Variants in NUDT6 observed in about 807,000 individuals in gnomAD.
The protein encoded by NUDT6 is nudix hydrolase 6, also known as FAD diphosphatase NUDT6.
NUDT6 carries 24 observed loss-of-function variants against 36.8 expected under a neutral mutation model. The observed-to-expected ratio is 0.65, with a 90% confidence interval of 0.47 to 0.92. The LOEUF (loss-of-function observed/expected upper bound fraction) is 0.92, where lower values mean the gene tolerates loss of function less well. NUDT6 is among the 40% of genes least tolerant of loss of function. The pLI is 0.00. For missense variants in NUDT6, 388 were observed against 392.8 expected (o/e 0.99, Z 0.10); for synonymous variants, 163 against 157.0 (o/e 1.04, Z -0.29).
chr4:122,922,309 G>A (rs1728060412), intron 1 of NUDT6, 26 bp downstream of exon 1: 2 of 1,576,754 alleles, frequency 1.3e-6, no homozygotes, highest in Non-Finnish European at 8.6e-7. Flanking sequence ...GGAGCCCCGG[G>A]AGCCCTTCGT....
chr4:122,919,660 TC>T (rs1229184074), intron 1 of NUDT6: 1 of 152,150 alleles, frequency 6.6e-6, no homozygotes, highest in Non-Finnish European at 1.5e-5. Flanking sequence ...CACCTCCCAT[TC>T]CCATTGCTAA....
intron 3 of NUDT6, among the ~76,000 whole-genome samples, chr4:122,910,903 A>G (rs879456151): frequency 2.0e-5 from 3 of 152,158 alleles, no homozygotes; most frequent in Middle Eastern, 3.2e-3. Context: ...GATTAAATAA[A>G]TTCTGGTGAT....
chr4:122,920,377 G>A (rs1250158064), intron 1 of NUDT6: 1 of 152,020 alleles, frequency 6.6e-6, no homozygotes, highest in Non-Finnish European at 1.5e-5. Context: ...GTTGTTAGGA[G>A]GATTAATTAC....
intron 3 of NUDT6, among the ~76,000 whole-genome samples, chr4:122,908,238 A>G (rs985341083): frequency 1.3e-5 from 2 of 152,126 alleles, no homozygotes; most frequent in Admixed American, 1.3e-4. Context: ...AACAAAATGG[A>G]CTCTTTGTGA....
At chr4:122,898,015 CAGAT>C (rs1292399388) in intron 3 of NUDT6, 2 of 213,050 alleles carry the variant, frequency 9.4e-6, no homozygotes, top group African/African-American at 2.3e-5. Flanking sequence ...TAACTATGAA[CAGAT>C]AGAAGAATCT....
At chr4:122,920,174 GTAAA>G (rs989926214) in intron 1 of NUDT6, 1 of 152,148 alleles carries the variant, frequency 6.6e-6, no homozygotes, top group African/African-American at 2.4e-5. Context: ...GACTTCATGT[GTAAA>G]TAGTCTCTCT....
intron 2 of NUDT6, among the ~76,000 whole-genome samples, chr4:122,913,812 C>A (rs1727777817): frequency 6.6e-6 from 1 of 151,866 alleles, no homozygotes; most frequent in African/African-American, 2.4e-5. Context: ...AATCTTGGGT[C>A]AAAAATACAA....
intron 2 of NUDT6, among the ~76,000 whole-genome samples, chr4:122,914,494 A>G (rs546659229): frequency 6.6e-6 from 1 of 152,318 alleles, no homozygotes; most frequent in South Asian, 2.1e-4. Context: ...CTAAAGCACA[A>G]TTTGAGCGAC....
chr4:122,905,994 G>A lies in NUDT6; in HGVS notation c.498+6574C>T, dbSNP rs568623093. On this transcript the variant is annotated intron_variant, in intron 3 of 4. Transcript: ENST00000304430. Reference sequence around the variant, plus strand: ...GCTGTTTTCTGTAGCCAGAAGAAGGGTGCTGCTTCTACTGGCTCAGAGGGT... The same window carrying A: ...GCTGTTTTCTGTAGCCAGAAGAAGGATGCTGCTTCTACTGGCTCAGAGGGT... Among the ~76,000 whole-genome samples the A allele has an allele frequency of 2.6e-5, 4 of 152,282 alleles. No individual in the cohort carries two copies. In the South Asian group the frequency reaches 6.2e-4, roughly 24 times the overall value.
rs61524225 is a variant in NUDT6 at position 122,897,730 on chromosome 4, CAT to C, written c.499-54_499-53del. 8.4e-4 allele frequency: 1,008 copies of C among 1,197,262 alleles called. 14 individuals carry two copies. The East Asian group carries it at 0.021, about 25-fold the overall frequency. 74.2% of individuals were successfully genotyped at this position (1,197,262 alleles called of 1,614,324 possible). A position where few individuals can be genotyped will look rare whatever the true frequency, so the allele number is the denominator to read the frequency against. ...TTAACATAACTTTCACTAACACACA[CAT>C]ATGTAGATTTCACAAAATCCACCTA... is the stretch of plus-strand genomic sequence containing the variant. On this transcript the variant is annotated intron_variant, in intron 3 of 4. Transcript: ENST00000304430.
At chr4:122,910,398 A>G (rs1727709373) in intron 3 of NUDT6, among the ~76,000 whole-genome samples, 1 of 152,194 alleles carries the variant, frequency 6.6e-6, no homozygotes. Context: ...AGTTTTTAAC[A>G]TTAACATACC....
chr4:122,893,387 T>A, intron 4 of NUDT6, 162 bp from the exon 5 acceptor site: 1 of 571,944 alleles, frequency 1.7e-6, no homozygotes, highest in South Asian at 4.2e-5. Context: ...TATCAAGAAA[T>A]CCCAAAATAT....
intron 2 of NUDT6, among the ~76,000 whole-genome samples, chr4:122,916,984 G>C (rs1727858647): frequency 6.6e-6 from 1 of 152,190 alleles, no homozygotes; most frequent in Admixed American, 6.5e-5. Flanking sequence ...GTGGGACAGA[G>C]CAGGATGGTG....
intron 4 of NUDT6, chr4:122,896,658 T>C (rs1727365344): frequency 1.3e-5 from 2 of 152,226 alleles, no homozygotes; most frequent in Admixed American, 6.5e-5. Context: ...GCTAGAGATA[T>C]ATCTTAATGC....
chr4:122,897,766 C>A (rs937111937), intron 3 of NUDT6, 88 bp from the exon 4 acceptor site: 4 of 916,388 alleles, frequency 4.4e-6, no homozygotes, highest in South Asian at 4.2e-5. Flanking sequence ...TATAATTGGT[C>A]AAAGTGGTTG....
At position 122,922,429 on chromosome 4, in the gene NUDT6, G is replaced by A; in HGVS notation, c.144C>T (p.Gly48=). The A allele has an allele frequency of 6.2e-7, 1 of 1,611,836 alleles. No individual in the cohort carries two copies. ...AGATGCCCCCGAATCTGTCCAGCTCGCCCTGCAGATCGCACGCTCCAACTG... is the reference window on the plus strand; with the variant it reads ...AGATGCCCCCGAATCTGTCCAGCTCACCCTGCAGATCGCACGCTCCAACTG... ...NPPVGACDLQ[G]ELDRFGGISV... The change falls in exon 1 of 5, where the codon GGC becomes GGT. Residue 48 remains glycine, a synonymous_variant. Coordinates refer to ENST00000304430, the MANE Select transcript of NUDT6 (RefSeq NM_007083.5).
At chr4:122,915,469 CAAAAAAAAAAAAAAAAA>C (rs61032259) in intron 2 of NUDT6, among the ~76,000 whole-genome samples, 3 of 42,250 alleles carry the variant, frequency 7.1e-5, no homozygotes, top group Non-Finnish European at 1.0e-4. Flanking sequence ...GACCCTGCCT[CAAAAAAAAAAAAAAAAA>C]AAAAAAAAAA....
chr4:122,908,510 T>A (rs1304794432), intron 3 of NUDT6, among the ~76,000 whole-genome samples: 1 of 152,184 alleles, frequency 6.6e-6, no homozygotes, highest in Non-Finnish European at 1.5e-5. Context: ...ACATCCTGCC[T>A]TTTCAGGCGA....
intron 3 of NUDT6, 58 bp from the exon 4 acceptor site, chr4:122,897,736 T>A: frequency 1.7e-6 from 2 of 1,150,322 alleles, no homozygotes; most frequent in Non-Finnish European, 2.6e-6. Flanking sequence ...CACACATATG[T>A]AGATTTCACA....
Sources: allele counts gnomAD v4.1 joint callset (sites outside exome capture counted in the v4.1 genomes callset), GRCh38; gene constraint gnomAD v4.1.1; transcripts MANE v1.5; gene names NCBI Gene and HGNC (gene_info 2026-07-23, HGNC 2026-07-21).